RAB6A: variants seen among roughly 807,000 people sequenced by gnomAD.
RAB6A encodes ras-related protein Rab-6A.
A neutral mutation model predicts 32.3 loss-of-function variants in RAB6A; 8 were observed. The observed-to-expected ratio is 0.25, with a 90% CI of 0.15 to 0.45. The LOEUF (loss-of-function observed/expected upper bound fraction) is 0.45. Among genes scored for constraint, RAB6A ranks in the 20% least tolerant of loss-of-function variants. The pLI is 1.00. For missense variants in RAB6A, 104 were observed against 249.4 expected (o/e 0.42, Z 3.93); for synonymous variants, 73 against 82.1 (o/e 0.89, Z 0.60).
At chr11:73,730,973 T>G (rs1946292877) in intron 1 of RAB6A, 150 bp from the exon 2 acceptor site, 1 of 592,912 alleles carries the variant, frequency 1.7e-6, no homozygotes, top group Middle Eastern at 4.5e-4. Context: ...GCCCCAAGAT[T>G]GTCAAAATGA....
intron 6 of RAB6A, among the ~76,000 whole-genome samples, chr11:73,699,993 G>A (rs958493418): frequency 2.0e-5 from 3 of 152,154 alleles, no homozygotes; most frequent in African/African-American, 7.2e-5. Context: ...TGACCTGTTA[G>A]AGCTGATGCC....
chr11:73,693,344 A>G (rs1355337974), intron 6 of RAB6A, among the ~76,000 whole-genome samples: 1 of 151,814 alleles, frequency 6.6e-6, no homozygotes, highest in Non-Finnish European at 1.5e-5. Flanking sequence ...TTTAATTAAC[A>G]TAAGCAAATA....
intron 5 of RAB6A, among the ~76,000 whole-genome samples, chr11:73,712,095 C>T (rs1326769526): frequency 6.6e-6 from 1 of 152,138 alleles, no homozygotes; most frequent in Non-Finnish European, 1.5e-5. Flanking sequence ...TCAAACTTTA[C>T]ATTTTCCCTT....
intron 1 of RAB6A, among the ~76,000 whole-genome samples, chr11:73,750,512 C>A (rs374064156): frequency 6.6e-6 from 1 of 152,062 alleles, no homozygotes; most frequent in African/African-American, 2.4e-5. Flanking sequence ...TGTGCCACCG[C>A]GCCCAGCAAA....
At chr11:73,685,111 G>A (rs751166744) in intron 6 of RAB6A, among the ~76,000 whole-genome samples, 3 of 152,162 alleles carry the variant, frequency 2.0e-5, no homozygotes, top group Non-Finnish European at 4.4e-5. Context: ...TAACAGCCTG[G>A]GCTTGGGCCC....
chr11:73,731,721 TATATATATATACACACACAC>T (rs1946312962), intron 1 of RAB6A, among the ~76,000 whole-genome samples: 1 of 11,142 alleles, frequency 9.0e-5, no homozygotes, highest in East Asian at 3.0e-3. Context: ...TATATATATA[TATATATATATACACACACAC>T]ACACATATTT....
At chr11:73,754,518 T>C (rs1046331527) in intron 1 of RAB6A, among the ~76,000 whole-genome samples, 27 of 152,244 alleles carry the variant, frequency 1.8e-4, no homozygotes, top group African/African-American at 6.0e-4. Context: ...GCAAATCCAA[T>C]TGTCCTCTAT....
rs373494142 is a variant in RAB6A, at chr11:73,696,975, A to G, written c.495+10445T>C. 1.1e-4 allele frequency among the ~76,000 whole-genome samples: 16 copies of G among 152,272 alleles called. No homozygotes were observed. The South Asian group carries it at 3.3e-3, about 32-fold the overall frequency. On this transcript the variant is annotated intron_variant, in intron 6 of 7. Coordinates refer to ENST00000336083, the MANE Select transcript of RAB6A (RefSeq NM_198896.2). ...AAAATGGCTTCCTCTCTCACTGGGA[A>G]TAAAATGCCAAATCCTCACTACTGC...
chr11:73,759,456 T>C (rs1946809001), intron 1 of RAB6A, among the ~76,000 whole-genome samples: 1 of 152,076 alleles, frequency 6.6e-6, no homozygotes, highest in Non-Finnish European at 1.5e-5. Context: ...ATTTCACTCA[T>C]CAGACAGTAC....
chr11:73,744,772 C>T (rs1178443869), intron 1 of RAB6A, among the ~76,000 whole-genome samples: 1 of 151,870 alleles, frequency 6.6e-6, no homozygotes, highest in Non-Finnish European at 1.5e-5. Flanking sequence ...GTCAAGAGAT[C>T]GAGACCATCC....
At chr11:73,700,609 T>TGGGGGGGGG (rs59223959) in intron 6 of RAB6A, among the ~76,000 whole-genome samples, 3 of 28,620 alleles carry the variant, frequency 1.0e-4, no homozygotes, top group African/African-American at 2.0e-4. Flanking sequence ...AGTGTGTGTG[T>TGGGGGGGGG]GGGGGGGGGG....
At chr11:73,679,840 C>T (rs1037098319) in intron 6 of RAB6A, 120 bp from the exon 7 acceptor site, 2 of 1,358,612 alleles carry the variant, frequency 1.5e-6, no homozygotes, top group Non-Finnish European at 2.1e-6. Flanking sequence ...ACCTGTAATC[C>T]CAGCACTTTG....
At chr11:73,732,979 A>G (rs1257084708) in intron 1 of RAB6A, among the ~76,000 whole-genome samples, 4 of 151,768 alleles carry the variant, frequency 2.6e-5, no homozygotes, top group Non-Finnish European at 5.9e-5. Context: ...TGCCTGGCTA[A>G]TTTTTTTACT....
chr11:73,715,817 C>CA (rs1565361411), intron 5 of RAB6A, among the ~76,000 whole-genome samples: 2 of 151,880 alleles, frequency 1.3e-5, no homozygotes, highest in East Asian at 3.9e-4. Context: ...AACCAACAAC[C>CA]AAAAAACAAA....
At chr11:73,721,954 G>A (rs769999300) in intron 2 of RAB6A, among the ~76,000 whole-genome samples, 2 of 151,950 alleles carry the variant, frequency 1.3e-5, no homozygotes, top group African/African-American at 2.4e-5. Context: ...GAGTTCTCAC[G>A]AGATCTGATG....
intron 2 of RAB6A, among the ~76,000 whole-genome samples, chr11:73,728,838 T>C (rs888006745): frequency 1.3e-5 from 2 of 151,924 alleles, no homozygotes; most frequent in Non-Finnish European, 2.9e-5. Context: ...CTTCTATTTT[T>C]CAGAAGAGTT....
At chr11:73,688,772 C>T (rs1244660491) in intron 6 of RAB6A, among the ~76,000 whole-genome samples, 2 of 152,146 alleles carry the variant, frequency 1.3e-5, no homozygotes, top group Non-Finnish European at 2.9e-5. Context: ...AGATTTTTTC[C>T]CCTTCCAGGT....
chr11:73,691,878 C>T (rs2134884700), intron 6 of RAB6A, among the ~76,000 whole-genome samples: 1 of 152,004 alleles, frequency 6.6e-6, no homozygotes. Flanking sequence ...GAGGCTGAGG[C>T]AGGAGAAGCA....
At chr11:73,741,401 G>C (rs1270576945) in intron 1 of RAB6A, among the ~76,000 whole-genome samples, 2 of 152,084 alleles carry the variant, frequency 1.3e-5, no homozygotes, top group Non-Finnish European at 2.9e-5. Flanking sequence ...GCCTCCCAAA[G>C]TGCTAAGATT....
Sources: allele counts gnomAD v4.1 joint callset (sites outside exome capture counted in the v4.1 genomes callset), GRCh38; gene constraint gnomAD v4.1.1; transcripts MANE v1.5; gene names NCBI Gene and HGNC (gene_info 2026-07-23, HGNC 2026-07-21).